The following CADPS variants were observed in gnomAD, a reference collection of about 807,000 sequenced individuals.
The protein encoded by CADPS is calcium dependent secretion activator.
In CADPS, 57 loss-of-function variants were observed where a neutral mutation model predicts 167.3. The ratio of observed to expected loss-of-function variants is 0.34; its 90% CI spans 0.28 to 0.42. The LOEUF (loss-of-function observed/expected upper bound fraction) is 0.42. Ranked by LOEUF, CADPS falls within the 20% of genes least tolerant of loss-of-function variation. CADPS has a pLI of 1.00. For missense variants in CADPS, 1,414 were observed against 1,738.1 expected (o/e 0.81, Z 3.32); for synonymous variants, 676 against 635.3 (o/e 1.06, Z -0.96).
At chr3:62,718,440 T>C (rs1484184006) in intron 3 of CADPS, among the ~76,000 whole-genome samples, 1 of 152,214 alleles carries the variant, frequency 6.6e-6, no homozygotes, top group Non-Finnish European at 1.5e-5. Flanking sequence ...CAAAGAGAAA[T>C]GACCAGAGAA....
At chr3:62,670,065 T>C (rs1210144029) in intron 3 of CADPS, among the ~76,000 whole-genome samples, 1 of 152,200 alleles carries the variant, frequency 6.6e-6, no homozygotes, top group African/African-American at 2.4e-5. Context: ...TGAGATCTAA[T>C]GCTGCCTGTG....
chr3:62,434,860 AT>A (rs1356568715), intron 28 of CADPS, among the ~76,000 whole-genome samples: 1 of 152,186 alleles, frequency 6.6e-6, no homozygotes, highest in Non-Finnish European at 1.5e-5. Context: ...AACAGGAACA[AT>A]ACCAAACAGC....
At chr3:62,573,038 T>C (rs761140701) in intron 8 of CADPS, among the ~76,000 whole-genome samples, 2 of 152,104 alleles carry the variant, frequency 1.3e-5, no homozygotes, top group African/African-American at 4.8e-5. Context: ...TGCACCACCA[T>C]GTCCGGCTAA....
In CADPS at chr3:62,455,571, G is replaced by A. The variant is rs1482223193; in HGVS notation, c.3637-9774C>T. 6.6e-6 allele frequency among the ~76,000 whole-genome samples: 1 copy of A among 152,158 alleles called. No individual in the cohort carries two copies. The highest frequency in any genetic ancestry group is 1.5e-5 in the Non-Finnish European group (1 of 68,022). On this transcript the variant is annotated intron_variant, in intron 26 of 29. Coordinates refer to ENST00000383710, the MANE Select transcript of CADPS (RefSeq NM_003716.4). The surrounding 1 kb of genome is among the most constrained non-coding windows in gnomAD (Gnocchi z 4.4). ...TTTTTGTGACATGATCTTATTTTAAGAGAAACTTGGAAGTGCAAATTGGAA... is the reference window on the plus strand; with the variant it reads ...TTTTTGTGACATGATCTTATTTTAAAAGAAACTTGGAAGTGCAAATTGGAA...
intron 17 of CADPS, among the ~76,000 whole-genome samples, chr3:62,506,329 A>G (rs1000894310): frequency 4.6e-5 from 7 of 152,178 alleles, no homozygotes; most frequent in African/African-American, 1.7e-4. Context: ...CGGAGGTTGC[A>G]GTGAGCCGAG....
intron 3 of CADPS, among the ~76,000 whole-genome samples, chr3:62,716,256 G>T (rs1513138): frequency 0.63 from 95,084 of 151,742 alleles, 30,365 homozygotes; most frequent in East Asian, 0.77. Flanking sequence ...GTTTCGCCAC[G>T]TTGGCCAGGT....
chr3:62,723,820 T>G (rs935561959), intron 3 of CADPS, among the ~76,000 whole-genome samples: 5 of 152,228 alleles, frequency 3.3e-5, no homozygotes, highest in African/African-American at 7.2e-5. Flanking sequence ...CTTCCTCTCC[T>G]GCCTCTGCGG....
At chr3:62,566,838 A>C (rs546016121) in intron 9 of CADPS, among the ~76,000 whole-genome samples, 1 of 152,276 alleles carries the variant, frequency 6.6e-6, no homozygotes, top group East Asian at 1.9e-4. Context: ...TGTCCCCAAC[A>C]TACCTTGACA....
chr3:62,812,232 T>C (rs304227), intron 1 of CADPS, among the ~76,000 whole-genome samples: 3,007 of 152,298 alleles, frequency 0.02, 96 homozygotes, highest in African/African-American at 0.067. Context: ...GTTACTTTTA[T>C]ATACTTTCCT....
chr3:62,600,771 G>C (rs2059842115), intron 6 of CADPS, among the ~76,000 whole-genome samples: 1 of 152,226 alleles, frequency 6.6e-6, no homozygotes. Flanking sequence ...TAACGTGTGA[G>C]AGTGTCTCAG....
intron 10 of CADPS, 53 bp from the exon 11 acceptor site, chr3:62,550,168 A>G: frequency 2.1e-6 from 3 of 1,446,862 alleles, no homozygotes; most frequent in South Asian, 2.3e-5. Context: ...GATGTTCTCA[A>G]CTGGACTCAG....
chr3:62,687,377 C>T (rs978876251), intron 3 of CADPS, among the ~76,000 whole-genome samples: 7 of 152,188 alleles, frequency 4.6e-5, no homozygotes, highest in African/African-American at 1.7e-4. Flanking sequence ...AGAAATACTG[C>T]AAAATGCCAT....
chr3:62,874,603 G>A lies in CADPS; in HGVS notation c.427C>T (p.Arg143Cys), dbSNP rs2083316335. The A allele has an allele frequency of 1.9e-6, 3 of 1,554,316 alleles. No individual in the cohort carries two copies. The highest frequency in any genetic ancestry group is 1.7e-4 in the Middle Eastern group (1 of 5,964). The change falls in exon 1 of 30, where the codon CGC becomes TGC. Residue 143 changes from arginine to cysteine, a missense_variant. Coordinates refer to ENST00000383710, the MANE Select transcript of CADPS (RefSeq NM_003716.4). This position sits in a 1 kb window ranked among gnomAD's most constrained non-coding sequence, Gnocchi z 7.1. The part of the protein sequence containing the change: ...FNAKQPTDMA[R>C]RQQKISKQQL... ...GGCGCACCTACCTTCTGCTGCCGGCGAGCCATGTCGGTGGGCTGCTTGGCA... is the reference window on the plus strand; with the variant it reads ...GGCGCACCTACCTTCTGCTGCCGGCAAGCCATGTCGGTGGGCTGCTTGGCA...
intron 6 of CADPS, among the ~76,000 whole-genome samples, chr3:62,600,975 G>C (rs927477040): frequency 2.6e-5 from 4 of 152,124 alleles, no homozygotes; most frequent in African/African-American, 9.7e-5. Flanking sequence ...AACTGACCCA[G>C]AGGATGGAGT....
chr3:62,637,320 G>A (rs573285250), intron 6 of CADPS, among the ~76,000 whole-genome samples: 1 of 152,200 alleles, frequency 6.6e-6, no homozygotes, highest in Non-Finnish European at 1.5e-5. Flanking sequence ...TATGGTTCCA[G>A]CTAGTTCAGT....
rs1349525413 is a variant in CADPS, at chr3:62,548,319, G to C, written c.1966+1584C>G. 2.0e-5 allele frequency among the ~76,000 whole-genome samples: 3 copies of C among 152,202 alleles called. No individual in the cohort carries two copies. In the East Asian group the frequency reaches 5.8e-4, roughly 29 times the overall value. The stretch of plus-strand genomic sequence containing the variant: ...CTGCTCTCAAGTAAACCTAAGTGCA[G>C]GAAGATGTTAGAGAATACAAGAGTG... On this transcript the variant is annotated intron_variant, in intron 11 of 29. Transcript: ENST00000383710.
At chr3:62,554,276 A>C (rs1562069758) in intron 10 of CADPS, among the ~76,000 whole-genome samples, 1 of 152,224 alleles carries the variant, frequency 6.6e-6, no homozygotes, top group Non-Finnish European at 1.5e-5. Flanking sequence ...TGAAACTTAC[A>C]TAATTTGCCA....
At chr3:62,519,487 A>T (rs73842446) in intron 13 of CADPS, among the ~76,000 whole-genome samples, 4,717 of 152,240 alleles carry the variant, frequency 0.031, 114 homozygotes, top group Middle Eastern at 0.089. Context: ...CCACTTTATA[A>T]AAAATACCCC....
chr3:62,859,786 A>T (rs1035160717), intron 1 of CADPS, among the ~76,000 whole-genome samples: 8 of 152,240 alleles, frequency 5.3e-5, no homozygotes, highest in African/African-American at 1.7e-4. Flanking sequence ...TGTCCTTTGC[A>T]AATGAGATAT....
Sources: allele counts gnomAD v4.1 joint callset (sites outside exome capture counted in the v4.1 genomes callset), GRCh38; gene constraint gnomAD v4.1.1; non-coding constraint Gnocchi (gnomAD v3.1); transcripts MANE v1.5; gene names NCBI Gene and HGNC (gene_info 2026-07-23, HGNC 2026-07-21).